Variants in FLAD1 observed in about 807,000 individuals in gnomAD.
FLAD1 encodes the protein flavin adenine dinucleotide synthetase 1, also known as bifunctional FAD diphosphatase/FAD synthase.
In FLAD1, 35 loss-of-function variants were observed where a neutral mutation model predicts 55.0. The observed-to-expected ratio is 0.64, with a 90% CI of 0.49 to 0.84. The LOEUF (loss-of-function observed/expected upper bound fraction) is 0.84. Ranked by LOEUF, FLAD1 falls within the 40% of genes least tolerant of loss-of-function variation. The pLI is 0.00. For synonymous variants in FLAD1, 267 were observed against 303.0 expected (o/e 0.88, Z 1.23); for missense variants, 665 against 742.6 (o/e 0.90, Z 1.21).
At chr1:154,992,567 C>G in intron 5 of FLAD1, 146 bp from the exon 6 acceptor site, 1 of 1,613,646 alleles carries the variant, frequency 6.2e-7, no homozygotes, top group Non-Finnish European at 8.5e-7. Flanking sequence ...ATACATAGAG[C>G]AAGCTATACC....
Position 154,993,087 on chromosome 1 carries a change from G to A in FLAD1, c.*50G>A. On this transcript the variant is annotated 3_prime_UTR_variant, in exon 7 of 7. Coordinates refer to ENST00000292180, the MANE Select transcript of FLAD1 (RefSeq NM_025207.5). ...GGACACCGTCCTAGGGTATAACCTG[G>A]CAATAAACCGTGCCTCTCACTGTGC... 1 of 1,563,526 alleles carries A rather than the reference G, an allele frequency of 6.4e-7. No homozygotes were observed. Among genetic ancestry groups the A allele is most frequent in the South Asian group, 1.1e-5 (1 of 89,866 alleles).
Position 154,983,933 on chromosome 1 carries a change from G to T in FLAD1, c.239G>T (p.Gly80Val). 6.2e-7 allele frequency: 1 copy of T among 1,608,974 alleles called. No individual in the cohort carries two copies. The highest frequency in any genetic ancestry group is 1.3e-5 in the African/African-American group (1 of 74,796). ...AGPPCLRPLF[G>V]GLGGYWRALQ... is the part of the protein sequence containing the mutation. ...CCCCCGTGCTTGCGACCCCTATTTGGGGGTCTGGGTGGCTACTGGAGGGCC... is the reference window on the plus strand; with the variant it reads ...CCCCCGTGCTTGCGACCCCTATTTGTGGGTCTGGGTGGCTACTGGAGGGCC... Residue 80 changes from glycine (G) to valine (V), a missense_variant, in exon 1 of 7, where the codon GGG becomes GTG. Physicochemically the swap from Gly to Val is moderately radical, Grantham distance 109. Transcript: ENST00000292180.
At position 154,988,207 on chromosome 1, in the gene FLAD1, A is replaced by G; in HGVS notation, c.475A>G (p.Ile159Val). The G allele has an allele frequency of 6.2e-7, 1 of 1,614,170 alleles. No individual in the cohort carries two copies. Among genetic ancestry groups the G allele is most frequent in the Non-Finnish European group, 8.5e-7 (1 of 1,180,036 alleles). The change falls in exon 2 of 7, where the codon ATT becomes GTT. Residue 159 changes from isoleucine to valine, a missense_variant. By Grantham distance (29) the Ile-to-Val change is conservative. Transcript: ENST00000292180. Reference sequence around the variant, plus strand: ...AGTTGTACCTGATGAGGTAGCCACCATTGCAGCTGAGGTCACTTCTTTCTC... The same window carrying G: ...AGTTGTACCTGATGAGGTAGCCACCGTTGCAGCTGAGGTCACTTCTTTCTC... The part of the protein sequence containing the change: ...VSVVPDEVAT[I>V]AAEVTSFSNR...
chr1:154,992,828 G>A (rs1447990703), intron 6 of FLAD1, 42 bp downstream of exon 6: 11 of 1,613,964 alleles, frequency 6.8e-6, no homozygotes, highest in Non-Finnish European at 9.3e-6. Flanking sequence ...GGAGTTTTTA[G>A]GGTGCTGGGA....
Position 154,988,706 on chromosome 1 carries a change from T to C in FLAD1, c.974T>C (p.Leu325Pro). The change falls in exon 2 of 7, where the codon CTG becomes CCG. Residue 325 changes from leucine (L) to proline (P), a missense_variant. Leu to Pro is a moderately conservative substitution (Grantham distance 98, BLOSUM62 -3). Coordinates refer to ENST00000292180, the MANE Select transcript of FLAD1 (RefSeq NM_025207.5). ...DWGSNYYQVK[L>P]TLDSEEEGPL... ...GGCAGCAACTACTATCAGGTGAAGC[T>C]GACTCTAGACTCAGAGGAAGAAGGA... The C allele has an allele frequency of 6.2e-7, 1 of 1,614,242 alleles. No individual in the cohort carries two copies. Among genetic ancestry groups the C allele is most frequent in the Non-Finnish European group, 8.5e-7 (1 of 1,180,048 alleles).
intron 2 of FLAD1, chr1:154,989,155 C>A: frequency 1.6e-6 from 1 of 630,556 alleles, no homozygotes; most frequent in Middle Eastern, 4.4e-4. Flanking sequence ...AGTGATCTCC[C>A]ACAGCAGGGA....
In FLAD1 at chr1:154,988,298, A is replaced by C. The variant is rs1558074834; in HGVS notation, c.566A>C (p.Glu189Ala). 1 of 1,614,042 alleles carries C rather than the reference A, an allele frequency of 6.2e-7. No homozygotes were observed. Among genetic ancestry groups the C allele is most frequent in the Non-Finnish European group, 8.5e-7 (1 of 1,180,042 alleles). ...CCCACTCATGATGATGTGACCTTTG[A>C]GGCAGTGGCACAGGCCTTTGGAGAT... ...IGPTHDDVTF[E>A]AVAQAFGDEL... The change falls in exon 2 of 7, where the codon GAG becomes GCG. Residue 189 changes from glutamate (E) to alanine (A), a missense_variant. Transcript: ENST00000292180.
rs1418929169 is a variant in FLAD1, at chr1:154,983,893, G to A, written c.199G>A (p.Val67Ile). The A allele has an allele frequency of 6.2e-7, 1 of 1,613,356 alleles. No homozygotes were observed. Among genetic ancestry groups the A allele is most frequent in the Non-Finnish European group, 8.5e-7 (1 of 1,179,644 alleles). Reference protein sequence around the residue: ...LFPGYGPQCPVDLAGPPCLRP... With the variant: ...LFPGYGPQCPIDLAGPPCLRP... ...CCCAGGCTATGGCCCCCAGTGCCCT[G>A]TAGACCTGGCAGGCCCCCCGTGCTT... The change falls in exon 1 of 7, where the codon GTA (valine) becomes ATA (isoleucine). Residue 67 changes from valine to isoleucine, a missense_variant. By Grantham distance (29) the Val-to-Ile change is conservative. Transcript: ENST00000292180.
rs780196151 is a variant in FLAD1, at chr1:154,988,611, C to T, written c.879C>T (p.Ile293=). 4 of 1,614,110 alleles carry T rather than the reference C, an allele frequency of 2.5e-6. No homozygotes were observed. The highest frequency in any genetic ancestry group is 4.5e-5 in the East Asian group (2 of 44,906). ...ELYVAADEAS[I]APILAEAQAH... is the part of the protein sequence containing the mutation. The stretch of plus-strand genomic sequence containing the variant: ...ATGTGGCTGCTGATGAAGCCTCCAT[C>T]GCCCCCATTCTGGCTGAGGCCCAGG... The change falls in exon 2 of 7, where the codon ATC becomes ATT. Residue 293 remains isoleucine (I), a synonymous_variant. Coordinates refer to ENST00000292180, the MANE Select transcript of FLAD1 (RefSeq NM_025207.5).
chr1:154,983,842 G>T lies in FLAD1; in HGVS notation c.148G>T (p.Val50Phe). The part of the protein sequence containing the change: ...LPHCLFWLLQ[V>F]PSTQDPLFPG... ...CCATTGTCTTTTCTGGCTTCTCCAG[G>T]TTCCCTCGACCCAGGACCCCCTGTT... The change falls in exon 1 of 7, where the codon GTT (valine) becomes TTT (phenylalanine). Residue 50 changes from valine to phenylalanine, a missense_variant. Transcript: ENST00000292180. 1 of 1,614,164 alleles carries T rather than the reference G, an allele frequency of 6.2e-7. No homozygotes were observed.
chr1:154,984,052 G>C lies in FLAD1; in HGVS notation c.358G>C (p.Asp120His). ...SVTAGIIIVG[D>H]EILKGHTQDT... ...GACGGCTGGCATCATCATTGTTGGA[G>C]ATGAGATCCTTAAGGTGTGTCTGGG... Residue 120 changes from aspartate to histidine, a missense_variant, in exon 1 of 7, where the codon GAT (aspartate) becomes CAT (histidine). Asp to His is a moderately conservative substitution (Grantham distance 81). Coordinates refer to ENST00000292180, the MANE Select transcript of FLAD1 (RefSeq NM_025207.5). 1 of 1,511,552 alleles carries C rather than the reference G, an allele frequency of 6.6e-7. No individual in the cohort carries two copies. The highest frequency in any genetic ancestry group is 1.8e-4 in the Middle Eastern group (1 of 5,510). 93.6% of individuals were successfully genotyped at this position (1,511,552 alleles called of 1,614,324 possible). A position where few individuals can be genotyped will look rare whatever the true frequency, so the allele number is the denominator to read the frequency against.
Position 154,988,126 on chromosome 1 carries a change from A to C in FLAD1, c.394A>C (p.Thr132Pro). 1.9e-6 allele frequency: 3 copies of C among 1,614,112 alleles called. No homozygotes were observed. Among genetic ancestry groups the C allele is most frequent in the Non-Finnish European group, 2.5e-6 (3 of 1,180,014 alleles). Residue 132 changes from threonine to proline, a missense_variant, in exon 2 of 7, where the codon ACC (threonine) becomes CCC (proline). By Grantham distance (38) the Thr-to-Pro change is conservative. Transcript: ENST00000292180. ...CCAGGGACACACTCAGGACACCAAC[A>C]CCTTCTTTCTGTGCCGGACACTGCG... ...ILKGHTQDTN[T>P]FFLCRTLRSL... is the part of the protein sequence containing the mutation.
intron 1 of FLAD1, among the ~76,000 whole-genome samples, chr1:154,986,790 G>T (rs1657633494): frequency 6.8e-6 from 1 of 146,122 alleles, no homozygotes; most frequent in Non-Finnish European, 1.5e-5. Context: ...TAGAGACAGG[G>T]TTTCACCATG....
exon 7 of FLAD1, chr1:154,993,109 GTGCCTGT>G: frequency 7.0e-7 from 1 of 1,434,388 alleles, no homozygotes; most frequent in Non-Finnish European, 9.8e-7. Flanking sequence ...GCCTCTCACT[GTGCCTGT>G]TGCTCTAGCT....
At chr1:154,986,019 C>CTCTG (rs1657580310) in intron 1 of FLAD1, among the ~76,000 whole-genome samples, 1 of 143,042 alleles carries the variant, frequency 7.0e-6, no homozygotes, top group Non-Finnish European at 1.5e-5. Context: ...CTGCGCCCGG[C>CTCTG]TGTGTGTGTG....
intron 1 of FLAD1, among the ~76,000 whole-genome samples, chr1:154,987,238 C>T (rs1364579145): frequency 6.6e-6 from 1 of 151,842 alleles, no homozygotes; most frequent in East Asian, 1.9e-4. Context: ...CATACTGTGC[C>T]GGTTGGTCTC....
Position 154,990,155 on chromosome 1 carries a change from G to C in FLAD1, c.1266-4G>C, listed in dbSNP as rs1339976864. The C allele has an allele frequency of 1.2e-6, 2 of 1,611,140 alleles. No individual in the cohort carries two copies. Among genetic ancestry groups the C allele is most frequent in the African/African-American group, 1.3e-5 (1 of 74,822 alleles). On this transcript the variant is annotated splice_region_variant and splice_polypyrimidine_tract_variant and intron_variant, in intron 3 of 6. Transcript: ENST00000292180. The stretch of plus-strand genomic sequence containing the variant: ...CAAGCCTGTGGATTCTTCCCCCTCT[G>C]CAGGAAATTACCTGATGTTCCAAAC...
In FLAD1 at chr1:154,989,673, G is replaced by A. The variant is rs1207832448; in HGVS notation, c.1231G>A (p.Ala411Thr). 6 of 1,582,660 alleles carry A rather than the reference G, an allele frequency of 3.8e-6. No homozygotes were observed. The highest frequency in any genetic ancestry group is 4.3e-6 in the Non-Finnish European group (5 of 1,163,300). ...CTTCAACGGGGGCAAAGACTGCACT[G>A]CCCTCCTGCACCTCTTCCATGCAGC... is the stretch of plus-strand genomic sequence containing the variant. Reference protein sequence around the residue: ...VGFNGGKDCTALLHLFHAAVQ... With the variant: ...VGFNGGKDCTTLLHLFHAAVQ... Residue 411 changes from alanine to threonine, a missense_variant, in exon 3 of 7, where the codon GCC (alanine) becomes ACC (threonine). By Grantham distance (58) the Ala-to-Thr change is moderately conservative. Coordinates refer to ENST00000292180, the MANE Select transcript of FLAD1 (RefSeq NM_025207.5).
intron 2 of FLAD1, 133 bp from the exon 3 acceptor site, chr1:154,989,427 A>T (rs1657766229): frequency 5.4e-6 from 5 of 923,392 alleles, no homozygotes; most frequent in Non-Finnish European, 7.9e-6. Context: ...AGCGGGCAGC[A>T]TGAAGGAGTT....
Sources: gnomAD v4.1 joint callset for allele counts (sites outside exome capture counted in the v4.1 genomes callset) on GRCh38, gnomAD v4.1.1 for gene constraint, MANE v1.5 for transcripts, NCBI Gene and HGNC (gene_info 2026-07-23, HGNC 2026-07-21) for gene names.